Variants in FAM222B observed in about 807,000 individuals in gnomAD.
FAM222B encodes the protein protein FAM222B.
Under a neutral mutation model 38.0 loss-of-function variants are expected in FAM222B, and 12 were observed. The observed-to-expected ratio is 0.32, with a 90% CI of 0.20 to 0.51. FAM222B has a LOEUF of 0.51. FAM222B is among the 20% of genes least tolerant of loss of function. FAM222B has a pLI of 0.97. For missense variants in FAM222B, 716 were observed against 754.2 expected, an observed-to-expected ratio of 0.95 and a Z score of 0.59; for synonymous variants, 329 against 317.2, an observed-to-expected ratio of 1.04 and a Z score of -0.40.
intron 1 of FAM222B, among the ~76,000 whole-genome samples, chr17:28,814,171 C>CT (rs780730426): frequency 5.4e-5 from 8 of 149,124 alleles, no homozygotes; most frequent in Non-Finnish European, 1.0e-4. Flanking sequence ...GAGTAAGACT[C>CT]TAACTCCAAA....
intron 2 of FAM222B, among the ~76,000 whole-genome samples, chr17:28,763,977 G>A (rs1166156905): frequency 6.6e-6 from 1 of 152,248 alleles, no homozygotes; most frequent in East Asian, 1.9e-4. Flanking sequence ...GTTCTGCCAT[G>A]GAAGGAAATC....
At position 28,766,657 on chromosome 17, in the gene FAM222B, C is replaced by T; in HGVS notation, c.11G>A (p.Cys4Tyr). Residue 4 changes from cysteine (C) to tyrosine (Y), a missense_variant, in exon 2 of 3, where the codon TGT (cysteine) becomes TAT (tyrosine). Transcript: ENST00000581407. MLACLPGPGDLSFQ... is the reference protein window; with the variant it reads MLAYLPGPGDLSFQ... ...GGACAGGTCACCTGGCCCTGGTAGA[C>T]AGGCTAGCATGGCAGATTGGCATCA... The T allele has an allele frequency of 1.2e-6, 2 of 1,603,748 alleles. No homozygotes were observed. Among genetic ancestry groups the T allele is most frequent in the Non-Finnish European group, 1.7e-6 (2 of 1,174,992 alleles).
rs866399702 is a variant in FAM222B, at chr17:28,822,784, T to G, written c.-41+19898A>C. Among the ~76,000 whole-genome samples the G allele has an allele frequency of 6.3e-3, 326 of 51,896 alleles. No homozygotes were observed. In the Middle Eastern group the frequency reaches 0.087, roughly 14 times the overall value. The allele number at this position is 51,896 out of a possible 152,430, so 34.0% of individuals were successfully genotyped here. ...CGCCACTGCACTCCAGCCTGGGCGA[T>G]AGAGCAAGACTCCATCTCAAAAAAA... On this transcript the variant is annotated intron_variant, in intron 1 of 2. Coordinates refer to ENST00000581407, the MANE Select transcript of FAM222B (RefSeq NM_001077498.3).
At chr17:28,782,862 G>T (rs1337910514) in intron 1 of FAM222B, among the ~76,000 whole-genome samples, 1 of 152,072 alleles carries the variant, frequency 6.6e-6, no homozygotes, top group African/African-American at 2.4e-5. Context: ...ACTCGGCCGG[G>T]CGCGGTGGCT....
At chr17:28,811,680 A>C (rs764643412) in intron 1 of FAM222B, among the ~76,000 whole-genome samples, 1 of 152,212 alleles carries the variant, frequency 6.6e-6, no homozygotes, top group African/African-American at 2.4e-5. Flanking sequence ...AGCCGGTGAC[A>C]ATGTACTCCA....
At chr17:28,788,866 C>T (rs945501052) in intron 1 of FAM222B, among the ~76,000 whole-genome samples, 8 of 151,792 alleles carry the variant, frequency 5.3e-5, no homozygotes, top group South Asian at 2.1e-4. Context: ...CTCAGCCTCC[C>T]GAGTAGCTGG....
chr17:28,831,624 A>G (rs983618996), intron 1 of FAM222B, among the ~76,000 whole-genome samples: 1 of 149,678 alleles, frequency 6.7e-6, no homozygotes, highest in Non-Finnish European at 1.5e-5. Context: ...CTACTGCCTC[A>G]GCCTCCAAAG....
intron 1 of FAM222B, among the ~76,000 whole-genome samples, chr17:28,830,971 C>T (rs1224257148): frequency 2.0e-5 from 3 of 148,984 alleles, no homozygotes; most frequent in Non-Finnish European, 3.0e-5. Flanking sequence ...AATAGCCATA[C>T]TTAATAGTGT....
At chr17:28,790,395 TGAA>T (rs940339726) in intron 1 of FAM222B, 1 of 152,226 alleles carries the variant, frequency 6.6e-6, no homozygotes. Context: ...AATCATGCAG[TGAA>T]GAACACAGCA....
intron 1 of FAM222B, among the ~76,000 whole-genome samples, chr17:28,815,033 A>G (rs1307165642): frequency 1.3e-5 from 2 of 151,826 alleles, no homozygotes; most frequent in African/African-American, 2.4e-5. Context: ...CTCGCCTCCC[A>G]AAGTGCTGGG....
At position 28,820,810 on chromosome 17, in the gene FAM222B, A is replaced by G. The variant is rs991729124; in HGVS notation, c.-41+21872T>C. ...CACCACGCCCAGCTAATTTTTTAAA[A>G]TATTTTTAGTAGAGATGGGTTTTCA... On this transcript the variant is annotated intron_variant, in intron 1 of 2. Transcript: ENST00000581407. Among the ~76,000 whole-genome samples, 58 of 149,688 alleles carry G rather than the reference A, an allele frequency of 3.9e-4. 1 individual carries two copies. The highest frequency in any genetic ancestry group is 1.4e-3 in the African/African-American group (57 of 40,534).
rs2038710599 is a variant in FAM222B at position 28,832,795 on chromosome 17, G to C, written c.-41+9887C>G. ...AATTGCTTTGAATAACAGCAAGAAG[G>C]GGGAGAAGTTGAAAATAGGATGTCC... On this transcript the variant is annotated intron_variant, in intron 1 of 2. Coordinates refer to ENST00000581407, the MANE Select transcript of FAM222B (RefSeq NM_001077498.3). 2.0e-5 allele frequency among the ~76,000 whole-genome samples: 3 copies of C among 152,014 alleles called. No homozygotes were observed. In the South Asian group the frequency reaches 6.2e-4, roughly 32 times the overall value.
intron 1 of FAM222B, among the ~76,000 whole-genome samples, chr17:28,827,135 ACT>A (rs1279266247): frequency 1.3e-5 from 2 of 151,454 alleles, no homozygotes; most frequent in Admixed American, 6.6e-5. Context: ...GGAGAATTAA[ACT>A]CTGTCTCAAA....
At chr17:28,805,297 G>C (rs2037433607) in intron 1 of FAM222B, among the ~76,000 whole-genome samples, 1 of 152,202 alleles carries the variant, frequency 6.6e-6, no homozygotes, top group Non-Finnish European at 1.5e-5. Context: ...CACTTTGGGA[G>C]GCCATGGCAG....
chr17:28,810,353 G>A (rs531067580), intron 1 of FAM222B, among the ~76,000 whole-genome samples: 1 of 152,166 alleles, frequency 6.6e-6, no homozygotes, highest in East Asian at 1.9e-4. Context: ...AGTGCACTTT[G>A]TTTTATATAC....
At chr17:28,847,643 G>C (rs566110987), upstream of FAM222B, among the ~76,000 whole-genome samples, 5 of 151,660 alleles carry the variant, frequency 3.3e-5, no homozygotes, top group Non-Finnish European at 7.4e-5. Flanking sequence ...GGCCGGGCGC[G>C]GTGGCTCACT....
intron 2 of FAM222B, among the ~76,000 whole-genome samples, chr17:28,760,302 G>A (rs181936911): frequency 1.1e-3 from 166 of 152,238 alleles, no homozygotes; most frequent in Non-Finnish European, 2.0e-3. Context: ...CGCTGGGCAC[G>A]GTGGCTCACA....
intron 1 of FAM222B, among the ~76,000 whole-genome samples, chr17:28,773,967 G>T (rs991242794): frequency 3.9e-5 from 6 of 152,046 alleles, no homozygotes; most frequent in Admixed American, 1.3e-4. Context: ...GGTCATGAGG[G>T]TTGTGATGAA....
chr17:28,851,838 G>A (rs1457580622), intron 1 of FAM222B, among the ~76,000 whole-genome samples: 1 of 147,824 alleles, frequency 6.8e-6, no homozygotes, highest in African/African-American at 2.5e-5. Flanking sequence ...TCGCACCACT[G>A]CACTCCAGCC....
Sources: gnomAD v4.1 joint callset for allele counts (sites outside exome capture counted in the v4.1 genomes callset) on GRCh38, gnomAD v4.1.1 for gene constraint, MANE v1.5 for transcripts, NCBI Gene and HGNC (gene_info 2026-07-23, HGNC 2026-07-21) for gene names.